Variants in ITGB2 observed in about 807,000 individuals in gnomAD.
ITGB2 encodes the protein integrin subunit beta 2, also known as integrin beta-2.
ITGB2 carries 56 observed loss-of-function variants against 86.8 expected under a neutral mutation model. The ratio of observed to expected loss-of-function variants is 0.65; its 90% CI spans 0.52 to 0.81. ITGB2 has a LOEUF of 0.81. Ranked by LOEUF, ITGB2 falls within the 30% of genes least tolerant of loss-of-function variation. The pLI is 0.00. For synonymous variants in ITGB2, 457 were observed against 450.4 expected (o/e 1.01, Z -0.19); for missense variants, 948 against 1,061.2 (o/e 0.89, Z 1.48).
chr21:44,900,480 G>C lies in ITGB2; in HGVS notation c.742-5C>G, dbSNP rs542698586. 1.0e-4 allele frequency: 166 copies of C among 1,613,856 alleles called. 1 individual carries two copies. In the South Asian group the frequency reaches 1.7e-3, roughly 16 times the overall value. ...GTTGCGCCAGCCGATTTCCTCCTGA[G>C]AAGAAGGCGTGGGGGGCAGGGTTAC... On this transcript the variant is annotated splice_polypyrimidine_tract_variant and splice_region_variant and intron_variant, in intron 6 of 15. Transcript: ENST00000652462.
At chr21:44,894,756 C>T in intron 9 of ITGB2, 3 of 611,302 alleles carry the variant, frequency 4.9e-6, no homozygotes, top group Non-Finnish European at 5.9e-6. Context: ...GCATCGCCCA[C>T]AACATCAACG....
rs2083698121 is a variant in ITGB2 at position 44,886,357 on chromosome 21, A to G, written c.*11T>C. The G allele has an allele frequency of 1.2e-6, 2 of 1,613,510 alleles. No individual in the cohort carries two copies. Among genetic ancestry groups the G allele is most frequent in the Admixed American group, 1.7e-5 (1 of 59,988 alleles). On this transcript the variant is annotated 3_prime_UTR_variant, in exon 16 of 16. Transcript: ENST00000652462. ...GGTGGGTCCTGACGGCCTTGTCTTC[A>G]CCAAGTGCTCCTAACTCTCAGCAAA... is the stretch of plus-strand genomic sequence containing the variant.
At chr21:44,913,393 T>G (rs540786562) in intron 1 of ITGB2, among the ~76,000 whole-genome samples, 1 of 152,214 alleles carries the variant, frequency 6.6e-6, no homozygotes, top group South Asian at 2.1e-4. Context: ...GGTGCCCAGT[T>G]ACCCCGGGCA....
At chr21:44,893,381 G>A (rs778826963) in intron 10 of ITGB2, 23 bp downstream of exon 10, 3 of 1,612,918 alleles carry the variant, frequency 1.9e-6, no homozygotes, top group Admixed American at 3.3e-5. Context: ...AGCTGGGATG[G>A]GGACCCTTGT....
chr21:44,893,266 G>A (rs535833212), intron 10 of ITGB2, 138 bp downstream of exon 10: 27 of 1,020,626 alleles, frequency 2.6e-5, no homozygotes, highest in Admixed American at 1.1e-4. Context: ...CCCCGTCAGA[G>A]TGCTGGGATG....
intron 1 of ITGB2, among the ~76,000 whole-genome samples, chr21:44,920,271 C>T (rs557794450): frequency 1.3e-5 from 2 of 152,208 alleles, no homozygotes; most frequent in African/African-American, 4.8e-5. Flanking sequence ...CTATGCCACA[C>T]ACGTGCACCA....
At chr21:44,922,197 G>A (rs747813193), upstream of ITGB2, among the ~76,000 whole-genome samples, 1 of 152,134 alleles carries the variant, frequency 6.6e-6, no homozygotes, top group Non-Finnish European at 1.5e-5. Flanking sequence ...AAAACGCCTA[G>A]AGGACTGGGT....
rs1601309762 is a variant in ITGB2 at position 44,903,301 on chromosome 21, A to G, written c.499+64T>C. 1.1e-5 allele frequency: 18 copies of G among 1,598,164 alleles called. No individual in the cohort carries two copies. In the East Asian group the frequency reaches 3.8e-4, roughly 34 times the overall value. On this transcript the variant is annotated intron_variant, in intron 5 of 15. Coordinates refer to ENST00000652462, the MANE Select transcript of ITGB2 (RefSeq NM_000211.5). ...CTGAGTGCGAGGAGTTGTGTGGGCC[A>G]CAGGCAGGAGTGGCCAGGGTCTGGG...
chr21:44,910,319 CG>C lies in ITGB2; in HGVS notation c.111del (p.Ile37MetfsTer13). On this transcript the variant is annotated frameshift_variant, in exon 3 of 16. Transcript: ENST00000652462. LOFTEE classifies it high-confidence loss of function. ...CACCAGGTGCAGCCGGGCCCCGACT[CG>C]ATGCATTCCCGGCAGCTGCTGACCT... is the stretch of plus-strand genomic sequence containing the variant. ...KFKVSSCRECIESGPGCTWCQ... is the reference protein window; with the variant it reads ...KFKVSSCRECXESGPGCTWCQ... The C allele has an allele frequency of 6.2e-7, 1 of 1,614,140 alleles. No homozygotes were observed. The highest frequency in any genetic ancestry group is 8.5e-7 in the Non-Finnish European group (1 of 1,180,018).
chr21:44,897,774 G>A (rs544235734), intron 8 of ITGB2, among the ~76,000 whole-genome samples: 7 of 152,302 alleles, frequency 4.6e-5, no homozygotes, highest in Non-Finnish European at 7.4e-5. Flanking sequence ...AACGGGGCAC[G>A]TGGCTGTGTA....
intron 6 of ITGB2, 24 bp downstream of exon 6, chr21:44,901,468 C>A: frequency 6.2e-7 from 1 of 1,612,302 alleles, no homozygotes; most frequent in South Asian, 1.1e-5. Flanking sequence ...AACGTGGGGA[C>A]CCAAGCAGGG....
chr21:44,898,982 G>T, intron 8 of ITGB2, 85 bp downstream of exon 8: 1 of 1,088,094 alleles, frequency 9.2e-7, no homozygotes, highest in Non-Finnish European at 1.4e-6. Flanking sequence ...CAGAGGTGGC[G>T]CTCAGACCTG....
intron 1 of ITGB2, among the ~76,000 whole-genome samples, chr21:44,915,610 C>A (rs1391061677): frequency 6.6e-6 from 1 of 152,176 alleles, no homozygotes; most frequent in African/African-American, 2.4e-5. Flanking sequence ...TAGGCATCCA[C>A]CTTTTAAGCC....
chr21:44,907,592 C>G (rs1257109208), intron 3 of ITGB2, among the ~76,000 whole-genome samples: 6 of 152,250 alleles, frequency 3.9e-5, no homozygotes, highest in African/African-American at 1.4e-4. Context: ...GAGGCCTGGG[C>G]CCAGGGCGCT....
intron 14 of ITGB2, 147 bp downstream of exon 14, chr21:44,888,546 A>T: frequency 4.4e-6 from 4 of 909,102 alleles, no homozygotes; most frequent in Non-Finnish European, 6.9e-6. Context: ...CCTCCTTGCA[A>T]TGCCAAGGGC....
chr21:44,907,838 A>G, intron 3 of ITGB2: 2 of 546,144 alleles, frequency 3.7e-6, no homozygotes, highest in Non-Finnish European at 3.4e-6. Context: ...GGGGAGGGCG[A>G]CAGTCCCCAG....
chr21:44,914,555 G>A (rs931650910), intron 1 of ITGB2, among the ~76,000 whole-genome samples: 2 of 152,198 alleles, frequency 1.3e-5, no homozygotes, highest in Non-Finnish European at 2.9e-5. Context: ...CGTCAGAAGA[G>A]ACCTGCAGCA....
intron 5 of ITGB2, among the ~76,000 whole-genome samples, chr21:44,902,007 G>A (rs1321003473): frequency 6.6e-6 from 1 of 152,234 alleles, no homozygotes; most frequent in Non-Finnish European, 1.5e-5. Context: ...TGTGTGACCA[G>A]GTATACATGT....
At chr21:44,901,403 C>A in intron 6 of ITGB2, 89 bp downstream of exon 6, 1 of 1,508,350 alleles carries the variant, frequency 6.6e-7, no homozygotes. Context: ...GACCTGCCGG[C>A]CAGGGTACCC....
Sources: allele counts gnomAD v4.1 joint callset (sites outside exome capture counted in the v4.1 genomes callset), GRCh38; gene constraint gnomAD v4.1.1; transcripts MANE v1.5; gene names NCBI Gene and HGNC (gene_info 2026-07-23, HGNC 2026-07-21).